TENM1: variants seen among roughly 807,000 people sequenced by gnomAD.
TENM1 encodes teneurin transmembrane protein 1.
A neutral mutation model predicts 174.8 loss-of-function variants in TENM1; 35 were observed. The observed-to-expected ratio is 0.20, with a 90% CI of 0.15 to 0.27. The LOEUF is 0.27. TENM1 is among the 10% of genes least tolerant of loss of function. The pLI, the probability that TENM1 is intolerant of heterozygous loss-of-function variation, is 1.00. For synonymous variants in TENM1, 781 were observed against 798.7 expected, an observed-to-expected ratio of 0.98 and a Z score of 0.37; for missense variants, 1,633 against 2,130.1, an observed-to-expected ratio of 0.77 and a Z score of 4.59.
At chrX:124,757,529 C>T (rs1351976546) in intron 3 of TENM1, among the ~76,000 whole-genome samples, 2 of 112,617 alleles carry the variant, frequency 1.8e-5, no homozygotes, top group African/African-American at 6.5e-5. Context: ...TGGCATTCCC[C>T]AGTGAGATGA....
At chrX:124,975,987 G>A in the TENM1 span, among the ~76,000 whole-genome samples, 19,082 of 110,133 alleles carry the variant, frequency 0.17, 1,584 homozygotes, top group African/African-American at 0.3. Context: ...AATCTCACAG[G>A]GTTGTCATGG....
chrX:125,160,110 G>C, the TENM1 span, among the ~76,000 whole-genome samples: 14 of 107,405 alleles, frequency 1.3e-4, no homozygotes, highest in Non-Finnish European at 2.5e-4. Flanking sequence ...TGAGGCAGGA[G>C]AATTGCTTGA....
chrX:124,480,015 T>A (rs1263884366), intron 22 of TENM1, among the ~76,000 whole-genome samples: 1 of 111,806 alleles, frequency 8.9e-6, no homozygotes, highest in Non-Finnish European at 1.9e-5. Flanking sequence ...TCACCCCCTG[T>A]AAACACCATT....
In TENM1 at chrX:124,529,967, G is replaced by A; in HGVS notation, c.2668C>T (p.Arg890Ter). Reference sequence around the variant, plus strand: ...CCATCTATGGCCACCACTTGGCCTCGAATCACACAGGCACGCCTGCAACAC... The same window carrying A: ...CCATCTATGGCCACCACTTGGCCTCAAATCACACAGGCACGCCTGCAACAC... The change falls in exon 16 of 32, where the codon CGA becomes TGA. Residue 890 changes from arginine (R) to a stop codon, truncating the protein, a stop_gained. Transcript: ENST00000422452. LOFTEE classifies it high-confidence loss of function. 8.3e-7 allele frequency: 1 copy of A among 1,210,070 alleles called. No homozygotes were observed.
At chrX:124,389,800 AT>A (rs928858601) in intron 28 of TENM1, among the ~76,000 whole-genome samples, 1 of 112,245 alleles carries the variant, frequency 8.9e-6, no homozygotes, top group African/African-American at 3.2e-5. Context: ...GGTAATAATA[AT>A]GTTAATAAAA....
At chrX:124,678,219 A>G (rs1343510354) in intron 5 of TENM1, among the ~76,000 whole-genome samples, 3 of 111,326 alleles carry the variant, frequency 2.7e-5, no homozygotes, top group African/African-American at 9.8e-5. Flanking sequence ...ACATTTATCA[A>G]CACATCACTG....
At chrX:124,392,293 T>C in exon 28 of TENM1, 1 of 1,210,305 alleles carries the variant, frequency 8.3e-7, no homozygotes, top group Non-Finnish European at 1.1e-6. Flanking sequence ...ATCATAGATC[T>C]TTCCTGTGCG....
At chrX:124,378,517 T>C (rs1170818021) in exon 32 of TENM1, 2 of 112,189 alleles carry the variant, frequency 1.8e-5, no homozygotes, top group Non-Finnish European at 3.8e-5. Context: ...GAATAAATAC[T>C]GTACCATTAA....
At chrX:124,400,108 T>C (rs1245346522) in intron 27 of TENM1, among the ~76,000 whole-genome samples, 1 of 112,054 alleles carries the variant, frequency 8.9e-6, no homozygotes. Flanking sequence ...AAAGCACTGT[T>C]ACTTGACTGA....
intron 3 of TENM1, among the ~76,000 whole-genome samples, chrX:124,811,996 A>G (rs1259910853): frequency 1.8e-5 from 2 of 111,484 alleles, no homozygotes; most frequent in Non-Finnish European, 3.8e-5. Context: ...TTTTTCCAGA[A>G]GTGAAAATTG....
intron 23 of TENM1, among the ~76,000 whole-genome samples, chrX:124,446,050 T>A (rs2060961988): frequency 1.8e-5 from 2 of 112,720 alleles, no homozygotes; most frequent in South Asian, 7.3e-4. Flanking sequence ...TGGATGATTT[T>A]ATTGTCAAAG....
intron 5 of TENM1, among the ~76,000 whole-genome samples, chrX:124,684,100 A>C (rs946111489): frequency 1.2e-4 from 14 of 112,328 alleles, no homozygotes; most frequent in Admixed American, 9.4e-5. Flanking sequence ...AATTCACAAA[A>C]AAGAAATGGA....
At chrX:125,057,521 C>G in the TENM1 span, among the ~76,000 whole-genome samples, 1 of 111,205 alleles carries the variant, frequency 9.0e-6, no homozygotes, top group African/African-American at 3.3e-5. Flanking sequence ...ATCCTATTTT[C>G]CAGTCTTTTA....
chrX:124,833,785 A>T (rs1332593719), intron 3 of TENM1, among the ~76,000 whole-genome samples: 5 of 111,305 alleles, frequency 4.5e-5, no homozygotes, highest in Non-Finnish European at 7.5e-5. Flanking sequence ...ACTGTAGATT[A>T]TGTCCTTTCT....
chrX:124,799,406 C>T lies in TENM1; in HGVS notation c.536-62209G>A, dbSNP rs182880718. Among the ~76,000 whole-genome samples, 9 of 110,941 alleles carry T rather than the reference C, an allele frequency of 8.1e-5. No homozygotes were observed. In the East Asian group the frequency reaches 2.3e-3, roughly 28 times the overall value. On this transcript the variant is annotated intron_variant, in intron 3 of 31. Transcript: ENST00000422452. ...TGTGGTTCTCCTTGAAGAGGTCCTT[C>T]ACATTCCTAGCTAGCTGTATTCCTA...
At chrX:125,023,922 T>C in the TENM1 span, among the ~76,000 whole-genome samples, 1 of 111,615 alleles carries the variant, frequency 9.0e-6, no homozygotes, top group Non-Finnish European at 1.9e-5. Context: ...GGGCAAAGGA[T>C]ATGAACAGAT....
chrX:124,391,604 C>G (rs1032378294), intron 28 of TENM1, among the ~76,000 whole-genome samples: 9 of 111,858 alleles, frequency 8.0e-5, no homozygotes, highest in African/African-American at 2.9e-4. Flanking sequence ...GGAAATTAGT[C>G]TTCAAATGTA....
At chrX:124,503,373 T>G (rs1026139022) in intron 19 of TENM1, among the ~76,000 whole-genome samples, 187 bp downstream of exon 22, 2 of 111,510 alleles carry the variant, frequency 1.8e-5, no homozygotes, top group Non-Finnish European at 3.8e-5. Context: ...TAGATTAAGA[T>G]GAGAGTGTTC....
intron 3 of TENM1, among the ~76,000 whole-genome samples, chrX:124,843,610 C>T (rs2056548322): frequency 8.9e-6 from 1 of 111,895 alleles, no homozygotes; most frequent in South Asian, 3.7e-4. Flanking sequence ...AGAATTAATA[C>T]ATTTATTCTT....
Sources: allele counts gnomAD v4.1 joint callset (sites outside exome capture counted in the v4.1 genomes callset), GRCh38; gene constraint gnomAD v4.1.1; transcripts MANE v1.5; gene names NCBI Gene and HGNC (gene_info 2026-07-23, HGNC 2026-07-21).